DHX37: variants seen among roughly 807,000 people sequenced by gnomAD.
The protein encoded by DHX37 is probable ATP-dependent RNA helicase DHX37.
DHX37 carries 52 observed loss-of-function variants against 134.3 expected under a neutral mutation model. That is an observed-to-expected ratio of 0.39 (90% confidence interval 0.31 to 0.49). The LOEUF is 0.49. Among genes scored for constraint, DHX37 ranks in the 20% least tolerant of loss-of-function variants. The probability of loss-of-function intolerance (pLI) is 0.93; values close to 1 mark genes in which losing one functional copy is unlikely to be tolerated. For missense variants in DHX37, 1,344 were observed against 1,580.8 expected (o/e 0.85, Z 2.54); for synonymous variants, 634 against 670.7 (o/e 0.95, Z 0.85).
At chr12:124,961,288 T>TTACA (rs1491352036) in intron 15 of DHX37, among the ~76,000 whole-genome samples, 3 of 103,144 alleles carry the variant, frequency 2.9e-5, no homozygotes, top group African/African-American at 7.3e-5. Context: ...GCACACACAC[T>TTACA]TACACGCGTG....
chr12:124,980,220 C>A lies in DHX37; in HGVS notation c.738+270G>T, dbSNP rs1954729003. 6.6e-6 allele frequency among the ~76,000 whole-genome samples: 1 copy of A among 152,236 alleles called. No individual in the cohort carries two copies. The highest frequency in any genetic ancestry group is 2.4e-5 in the African/African-American group (1 of 41,466). ...GGCAGCCCAGGCCAGGCCCGCTGGT[C>A]AGAGGGCAGTGGCGATGAAGCTACT... On this transcript the variant is annotated intron_variant, in intron 4 of 26. Coordinates refer to ENST00000308736, the MANE Select transcript of DHX37 (RefSeq NM_032656.4). This position sits in a 1 kb window ranked among gnomAD's most constrained non-coding sequence, Gnocchi z 5.3.
At position 124,968,863 on chromosome 12, in the gene DHX37, T is replaced by C. The variant is rs774285433; in HGVS notation, c.1293+4A>G. 10 of 1,614,026 alleles carry C rather than the reference T, an allele frequency of 6.2e-6. No homozygotes were observed. The Middle Eastern group carries it at 6.6e-4, about 107-fold the overall frequency. ...CTCACAGAGGACATGGGACCCTGTG[T>C]TACCTTGATGACCGGCGGCGGCTTG... On this transcript the variant is annotated splice_donor_region_variant and intron_variant, in intron 9 of 26. Transcript: ENST00000308736.
chr12:124,956,096 T>C (rs1954088451), intron 18 of DHX37, among the ~76,000 whole-genome samples: 1 of 152,238 alleles, frequency 6.6e-6, no homozygotes, highest in Non-Finnish European at 1.5e-5. Flanking sequence ...TTGCACAAGA[T>C]GCAGAGGCTC....
In DHX37 at chr12:124,965,084, C is replaced by T. The variant is rs1190503096; in HGVS notation, c.1736-78G>A. The T allele has an allele frequency of 2.1e-5, 30 of 1,458,210 alleles. No individual in the cohort carries two copies. The East Asian group carries it at 7.1e-4, about 34-fold the overall frequency. 90.3% of individuals were successfully genotyped at this position (1,458,210 alleles called of 1,614,324 possible). A position where few individuals can be genotyped will look rare whatever the true frequency, so the allele number is the denominator to read the frequency against. On this transcript the variant is annotated intron_variant, in intron 13 of 26. Transcript: ENST00000308736. ...GCAGGAGCTGGCCACAGCGGCCCTG[C>T]ACCCCCAGGCTGCTCCACCAGAGCT...
At chr12:124,956,986 C>A in intron 17 of DHX37, 43 bp downstream of exon 17, 1 of 1,523,932 alleles carries the variant, frequency 6.6e-7, no homozygotes, top group South Asian at 1.3e-5. Context: ...GAGAGAGGGC[C>A]CTGAACGGGG....
Position 124,952,508 on chromosome 12 carries a change from T to C in DHX37, c.2758A>G (p.Ser920Gly). 1 of 1,604,966 alleles carries C rather than the reference T, an allele frequency of 6.2e-7. No individual in the cohort carries two copies. The highest frequency in any genetic ancestry group is 8.5e-7 in the Non-Finnish European group (1 of 1,173,550). ...VDPKMQPPTESQVTYLRQIVT... is the reference protein window; with the variant it reads ...VDPKMQPPTEGQVTYLRQIVT... ...ATCTGTCGCAGGTAGGTCACCTGGC[T>C]CTCGGTGGGCGGCTGCATCTTGGGA... Residue 920 changes from serine to glycine, a missense_variant, in exon 21 of 27, where the codon AGC becomes GGC. Physicochemically the swap from Ser to Gly is moderately conservative, Grantham distance 56. Around this residue, in one of 7 missense-constraint regions of DHX37, gnomAD observed 558 missense variants for 650.0 expected, o/e 0.86. Coordinates refer to ENST00000308736, the MANE Select transcript of DHX37 (RefSeq NM_032656.4).
At chr12:124,975,106 A>G (rs1954606677) in intron 6 of DHX37, among the ~76,000 whole-genome samples, 1 of 152,180 alleles carries the variant, frequency 6.6e-6, no homozygotes. Context: ...CTTGAGTTTT[A>G]GATTAACCCG....
intron 20 of DHX37, 114 bp from the exon 21 acceptor site, chr12:124,952,684 G>A (rs1343817427): frequency 3.4e-6 from 4 of 1,180,948 alleles, no homozygotes; most frequent in East Asian, 6.1e-5. Flanking sequence ...CCACCTGCTT[G>A]TCTCAACCCC....
At chr12:124,968,483 C>T (rs372950602) in intron 10 of DHX37, 51 bp downstream of exon 10, 10 of 1,598,832 alleles carry the variant, frequency 6.3e-6, no homozygotes, top group Admixed American at 3.3e-5. Context: ...GTGCTTTCAG[C>T]GAGGGTTTAG....
chr12:124,952,138 C>T (rs986543942), intron 21 of DHX37, among the ~76,000 whole-genome samples: 5 of 152,058 alleles, frequency 3.3e-5, no homozygotes, highest in African/African-American at 1.2e-4. Flanking sequence ...CAGAGCGAGA[C>T]CTTGTTTCTA....
intron 20 of DHX37, 30 bp downstream of exon 20, chr12:124,953,850 G>T (rs779198693): frequency 3.7e-6 from 6 of 1,605,524 alleles, no homozygotes; most frequent in Non-Finnish European, 5.1e-6. Context: ...TGCCCGCCGG[G>T]TGCAGCGGCG....
rs145746719 is a variant in DHX37 at position 124,973,189 on chromosome 12, G to A, written c.981-590C>T. On this transcript the variant is annotated intron_variant, in intron 6 of 26. Coordinates refer to ENST00000308736, the MANE Select transcript of DHX37 (RefSeq NM_032656.4). ...TCCCAACACTTTGGGAGGCCGAGGT[G>A]GGTGGATCACCTGAGGTGAGGAGTT... Among the ~76,000 whole-genome samples the A allele has an allele frequency of 8.1e-4, 123 of 152,130 alleles. 4 individuals carry two copies. In the East Asian group the frequency reaches 0.019, roughly 24 times the overall value.
chr12:124,968,586 G>A lies in DHX37; in HGVS notation c.1356C>T (p.Tyr452=). 1 of 1,614,110 alleles carries A rather than the reference G, an allele frequency of 6.2e-7. No individual in the cohort carries two copies. Among genetic ancestry groups the A allele is most frequent in the Non-Finnish European group, 8.5e-7 (1 of 1,180,054 alleles). The change falls in exon 10 of 27, where the codon TAC becomes TAT. Residue 452 remains tyrosine, a synonymous_variant. Coordinates refer to ENST00000308736, the MANE Select transcript of DHX37 (RefSeq NM_032656.4). Reference sequence around the variant, plus strand: ...AGACCTTCCGGAAGCACTCGCCACTGTAGTCTTCCAGCGGTGTCCGCTTGT... The same window carrying A: ...AGACCTTCCGGAAGCACTCGCCACTATAGTCTTCCAGCGGTGTCCGCTTGT... The part of the protein sequence containing the change: ...HFNKRTPLED[Y]SGECFRKVCK...
chr12:124,948,463 C>G (rs553181631), intron 25 of DHX37: 1 of 543,766 alleles, frequency 1.8e-6, no homozygotes, highest in South Asian at 2.4e-5. Flanking sequence ...AACAAACAAA[C>G]TGGCTGAGCG....
rs141102618 is a variant in DHX37, at chr12:124,977,899, G to A, written c.739-409C>T. Among the ~76,000 whole-genome samples the A allele has an allele frequency of 2.6e-4, 40 of 152,218 alleles. No individual in the cohort carries two copies. In the East Asian group the frequency reaches 6.4e-3, roughly 24 times the overall value. On this transcript the variant is annotated intron_variant, in intron 4 of 26. Transcript: ENST00000308736. ...GCAGGGGCTTTCTACATTTTTTCCT[G>A]TGACTCATGGAAAGAAACACATTTT...
chr12:124,950,604 C>T, intron 22 of DHX37, 54 bp from the exon 23 acceptor site: 2 of 1,552,560 alleles, frequency 1.3e-6, no homozygotes, highest in Non-Finnish European at 1.7e-6. Context: ...GTGGGAGGGG[C>T]TGCCATGCCT....
intron 16 of DHX37, among the ~76,000 whole-genome samples, chr12:124,958,875 C>T (rs1389098599): frequency 8.6e-5 from 13 of 150,476 alleles, no homozygotes; most frequent in South Asian, 4.2e-4. Context: ...CCACCCGCCT[C>T]GGCCTCCCAA....
At chr12:124,977,633 C>G in intron 4 of DHX37, 143 bp from the exon 5 acceptor site, 2 of 912,086 alleles carry the variant, frequency 2.2e-6, no homozygotes, top group South Asian at 5.2e-5. Flanking sequence ...GGGAGGGGAC[C>G]AGGAGCCATG....
chr12:124,977,310 G>C, intron 5 of DHX37, 32 bp downstream of exon 5: 3 of 1,493,288 alleles, frequency 2.0e-6, no homozygotes, highest in Non-Finnish European at 2.7e-6. Flanking sequence ...GTCACTGAGG[G>C]ACCCAGAGAG....
Sources: gnomAD v4.1 joint callset for allele counts (sites outside exome capture counted in the v4.1 genomes callset) on GRCh38, gnomAD v4.1.1 for gene constraint, gnomAD v4.1.1 regional missense constraint, Gnocchi (gnomAD v3.1) non-coding constraint, MANE v1.5 for transcripts, NCBI Gene and HGNC (gene_info 2026-07-23, HGNC 2026-07-21) for gene names.